Variants in UBE2E3 observed in about 807,000 individuals in gnomAD.
The protein encoded by UBE2E3 is ubiquitin-conjugating enzyme E2 E3.
UBE2E3 carries 5 observed loss-of-function variants against 23.6 expected under a neutral mutation model. That is an observed-to-expected ratio of 0.21 (90% CI 0.11 to 0.44). The LOEUF (loss-of-function observed/expected upper bound fraction) is 0.44. UBE2E3 is among the 20% of genes least tolerant of loss of function. UBE2E3 has a pLI of 0.99. For synonymous variants in UBE2E3, 78 were observed against 87.5 expected (o/e 0.89, Z 0.60); for missense variants, 81 against 249.8 (o/e 0.32, Z 4.55).
chr2:181,012,455 A>G (rs925817224), intron 3 of UBE2E3, among the ~76,000 whole-genome samples: 1 of 152,170 alleles, frequency 6.6e-6, no homozygotes, highest in Admixed American at 6.6e-5. Flanking sequence ...GTGTGTGGCT[A>G]GGTGGGTGTA....
At chr2:181,039,123 CTTTTT>C (rs11289425) in intron 3 of UBE2E3, among the ~76,000 whole-genome samples, 1 of 66,258 alleles carries the variant, frequency 1.5e-5, no homozygotes. Context: ...AGAATGTGAC[CTTTTT>C]TTTTTTTTTT....
chr2:181,013,771 C>A (rs554365025), intron 3 of UBE2E3, among the ~76,000 whole-genome samples: 1 of 152,282 alleles, frequency 6.6e-6, no homozygotes, highest in African/African-American at 2.4e-5. Context: ...AGCATCACTT[C>A]TGCTGCTTTT....
chr2:181,060,088 A>G (rs1477009926), intron 4 of UBE2E3, among the ~76,000 whole-genome samples: 3 of 151,734 alleles, frequency 2.0e-5, no homozygotes, highest in East Asian at 1.9e-4. Context: ...ATTTTAGCCT[A>G]ACAAGACAGT....
At chr2:181,000,031 A>G (rs990481126) in intron 3 of UBE2E3, among the ~76,000 whole-genome samples, 1 of 152,232 alleles carries the variant, frequency 6.6e-6, no homozygotes, top group African/African-American at 2.4e-5. Context: ...GATACAGAAT[A>G]AAGAATATTA....
chr2:181,019,751 G>C (rs1477495819), intron 3 of UBE2E3, among the ~76,000 whole-genome samples: 1 of 152,008 alleles, frequency 6.6e-6, no homozygotes, highest in Non-Finnish European at 1.5e-5. Flanking sequence ...TGTATATTTT[G>C]ATACATGTAT....
At chr2:180,999,415 T>C (rs1684929642) in intron 3 of UBE2E3, among the ~76,000 whole-genome samples, 3 of 152,222 alleles carry the variant, frequency 2.0e-5, no homozygotes, top group Non-Finnish European at 4.4e-5. Context: ...AATACACATC[T>C]GTTTGAATAC....
Position 181,045,841 on chromosome 2 carries a change from G to T in UBE2E3, c.246-11852G>T, listed in dbSNP as rs370997129. Reference sequence around the variant, plus strand: ...TTAATTTAGTGAGCCAGTGTTAACTGATGGGAATATACACATACCCTTGGA... The same window carrying T: ...TTAATTTAGTGAGCCAGTGTTAACTTATGGGAATATACACATACCCTTGGA... On this transcript the variant is annotated intron_variant, in intron 3 of 5. Transcript: ENST00000410062. 2.0e-5 allele frequency among the ~76,000 whole-genome samples: 3 copies of T among 151,742 alleles called. No homozygotes were observed. In the East Asian group the frequency reaches 5.8e-4, roughly 29 times the overall value.
At chr2:180,986,339 T>C (rs1023540687) in intron 3 of UBE2E3, among the ~76,000 whole-genome samples, 1 of 152,168 alleles carries the variant, frequency 6.6e-6, no homozygotes, top group African/African-American at 2.4e-5. Context: ...ATGCCTCACA[T>C]GTAAAATATC....
intron 3 of UBE2E3, among the ~76,000 whole-genome samples, chr2:181,046,638 G>C (rs1404648581): frequency 6.6e-6 from 1 of 152,138 alleles, no homozygotes; most frequent in Non-Finnish European, 1.5e-5. Flanking sequence ...AGTGTGCAAA[G>C]AATGGGGGAG....
intron 2 of UBE2E3, among the ~76,000 whole-genome samples, chr2:180,983,083 A>G (rs755135022): frequency 6.6e-6 from 1 of 152,230 alleles, no homozygotes; most frequent in Non-Finnish European, 1.5e-5. Flanking sequence ...CACAAACTCT[A>G]GTAATTATAC....
At chr2:181,060,029 T>C (rs1032092348) in intron 4 of UBE2E3, among the ~76,000 whole-genome samples, 14 of 151,908 alleles carry the variant, frequency 9.2e-5, no homozygotes, top group Middle Eastern at 3.4e-3. Flanking sequence ...CAGGGATATA[T>C]TAGTTTCCTT....
rs137871668 is a variant in UBE2E3 at position 180,985,261 on chromosome 2, A to T, written c.245+1168A>T. The stretch of plus-strand genomic sequence containing the variant: ...GTGGTATGTGAGATCTCAAAGTATT[A>T]CTTAAGAGCTATGCTGTCCGGTAAT... On this transcript the variant is annotated intron_variant, in intron 3 of 5. Transcript: ENST00000410062. 6.1e-3 allele frequency among the ~76,000 whole-genome samples: 935 copies of T among 152,248 alleles called. 14 individuals are homozygous for T. Among genetic ancestry groups the T allele is most frequent in the African/African-American group, 0.021 (875 of 41,554 alleles).
At chr2:181,016,622 C>T (rs1315342507) in intron 3 of UBE2E3, among the ~76,000 whole-genome samples, 1 of 152,094 alleles carries the variant, frequency 6.6e-6, no homozygotes, top group Admixed American at 6.6e-5. Flanking sequence ...CTGTTGACCC[C>T]CAAACTGATT....
At chr2:181,034,809 C>T (rs1686217342) in intron 3 of UBE2E3, among the ~76,000 whole-genome samples, 1 of 151,914 alleles carries the variant, frequency 6.6e-6, no homozygotes, top group Non-Finnish European at 1.5e-5. Flanking sequence ...AACAAGTTTC[C>T]ATGAACAAAT....
intron 4 of UBE2E3, among the ~76,000 whole-genome samples, chr2:181,060,042 T>C (rs1297814240): frequency 6.6e-6 from 1 of 151,714 alleles, no homozygotes; most frequent in African/African-American, 2.4e-5. Context: ...GTTTCCTTTA[T>C]CCAGTAGCTA....
At chr2:181,045,050 G>T (rs940248064) in intron 3 of UBE2E3, among the ~76,000 whole-genome samples, 3 of 152,110 alleles carry the variant, frequency 2.0e-5, no homozygotes, top group Admixed American at 6.6e-5. Context: ...TTTTACGTCT[G>T]CTGCTTTATA....
intron 3 of UBE2E3, among the ~76,000 whole-genome samples, chr2:181,014,874 T>C (rs1347955793): frequency 6.6e-6 from 1 of 152,208 alleles, no homozygotes; most frequent in East Asian, 1.9e-4. Flanking sequence ...CTCTTCGAGC[T>C]ACTTTGAAAT....
intron 3 of UBE2E3, among the ~76,000 whole-genome samples, chr2:181,015,103 C>T (rs1301608948): frequency 6.7e-6 from 1 of 150,226 alleles, no homozygotes; most frequent in Non-Finnish European, 1.5e-5. Context: ...ATATTTTTTT[C>T]CCTTTTAAGA....
rs148918620 is a variant in UBE2E3 at position 181,049,287 on chromosome 2, T to C, written c.246-8406T>C. 1.1e-4 allele frequency among the ~76,000 whole-genome samples: 16 copies of C among 152,184 alleles called. No individual in the cohort carries two copies. In the East Asian group the frequency reaches 1.5e-3, roughly 15 times the overall value. On this transcript the variant is annotated intron_variant, in intron 3 of 5. Transcript: ENST00000410062. Reference sequence around the variant, plus strand: ...GTATTGGCTAAAGACAATATACTTATAGATGTTGATATTTAATTTCACCAC... The same window carrying C: ...GTATTGGCTAAAGACAATATACTTACAGATGTTGATATTTAATTTCACCAC...
Sources: gnomAD v4.1 joint callset for allele counts (sites outside exome capture counted in the v4.1 genomes callset) on GRCh38, gnomAD v4.1.1 for gene constraint, MANE v1.5 for transcripts, NCBI Gene and HGNC (gene_info 2026-07-23, HGNC 2026-07-21) for gene names.